The following FBXO11 variants were observed in gnomAD, a reference collection of about 807,000 sequenced individuals.
The protein encoded by FBXO11 is F-box protein 11.
FBXO11 carries 13 observed loss-of-function variants against 117.0 expected under a neutral mutation model. The observed-to-expected ratio is 0.11, with a 90% CI of 0.07 to 0.18. The LOEUF (loss-of-function observed/expected upper bound fraction) is 0.18. Among genes scored for constraint, FBXO11 ranks in the 10% least tolerant of loss-of-function variants. The pLI is 1.00. For missense variants in FBXO11, 767 were observed against 1,164.4 expected, an observed-to-expected ratio of 0.66 and a Z score of 4.97; for synonymous variants, 490 against 380.5, an observed-to-expected ratio of 1.29 and a Z score of -3.35.
At chr2:47,882,951 T>G (rs1374096765) in intron 1 of FBXO11, among the ~76,000 whole-genome samples, 1 of 152,068 alleles carries the variant, frequency 6.6e-6, no homozygotes, top group Non-Finnish European at 1.5e-5. Flanking sequence ...GCCCAGCCAT[T>G]TGCTTTCTTC....
At chr2:47,851,699 C>T (rs960106) in intron 1 of FBXO11, among the ~76,000 whole-genome samples, 89,786 of 151,922 alleles carry the variant, frequency 0.59, 26,892 homozygotes, top group East Asian at 0.88. Flanking sequence ...AATCGTCATA[C>T]GCACACAGTT....
Position 47,808,312 on chromosome 2 carries a change from G to GC in FBXO11, c.2654+16dup. ...GGAAAGTAATTGGGTAATATATCAA[G>GC]CAAGTGTGCTACATACCTATCATGT... On this transcript the variant is annotated intron_variant, in intron 22 of 22. Coordinates refer to ENST00000403359, the MANE Select transcript of FBXO11 (RefSeq NM_001190274.2). 1.2e-6 allele frequency: 2 copies of GC among 1,612,234 alleles called. No individual in the cohort carries two copies. The highest frequency in any genetic ancestry group is 1.7e-6 in the Non-Finnish European group (2 of 1,179,282).
intron 1 of FBXO11, among the ~76,000 whole-genome samples, chr2:47,904,046 GTGAC>G (rs1558490965): frequency 1.3e-5 from 2 of 152,198 alleles, no homozygotes; most frequent in Admixed American, 1.3e-4. Flanking sequence ...ACCTTTAACA[GTGAC>G]TGGTGAAAGC....
chr2:47,893,447 G>C (rs1363351419), intron 1 of FBXO11, among the ~76,000 whole-genome samples: 1 of 152,010 alleles, frequency 6.6e-6, no homozygotes, highest in Non-Finnish European at 1.5e-5. Context: ...TATTCAGGCA[G>C]AAAAACATGG....
At chr2:47,888,308 T>G (rs1480206429) in intron 1 of FBXO11, among the ~76,000 whole-genome samples, 1 of 152,166 alleles carries the variant, frequency 6.6e-6, no homozygotes, top group East Asian at 1.9e-4. Context: ...GGGCTCTAAA[T>G]CCAAACATCA....
chr2:47,899,555 A>T lies in FBXO11; in HGVS notation c.232+5934T>A, dbSNP rs149293910. Among the ~76,000 whole-genome samples, 29 of 152,338 alleles carry T rather than the reference A, an allele frequency of 1.9e-4. 1 individual carries two copies. The highest frequency in any genetic ancestry group is 6.7e-4 in the African/African-American group (28 of 41,576). On this transcript the variant is annotated intron_variant, in intron 1 of 22. Transcript: ENST00000403359. ...GCTCAGAGAGGTAACATTGCTCACCAAATGTTAAATAACTAATCAGATGTG... is the reference window on the plus strand; with the variant it reads ...GCTCAGAGAGGTAACATTGCTCACCTAATGTTAAATAACTAATCAGATGTG...
At chr2:47,834,170 C>G (rs10175684) in intron 7 of FBXO11, among the ~76,000 whole-genome samples, 1 of 151,908 alleles carries the variant, frequency 6.6e-6, no homozygotes, top group Admixed American at 6.6e-5. Flanking sequence ...GCCAACATGG[C>G]GAAACCCTAT....
intron 7 of FBXO11, 86 bp from the exon 8 acceptor site, chr2:47,833,156 A>G: frequency 1.2e-6 from 1 of 813,468 alleles, no homozygotes. Context: ...TACTAAAAAC[A>G]TTAGTACTGA....
intron 1 of FBXO11, among the ~76,000 whole-genome samples, chr2:47,861,138 C>G (rs1200431970): frequency 1.3e-5 from 2 of 152,130 alleles, no homozygotes; most frequent in Non-Finnish European, 2.9e-5. Context: ...GCATGAACCA[C>G]CACGCCTGGC....
At chr2:47,842,342 C>CA (rs1243820068) in intron 1 of FBXO11, among the ~76,000 whole-genome samples, 1 of 152,144 alleles carries the variant, frequency 6.6e-6, no homozygotes, top group African/African-American at 2.4e-5. Context: ...GAATGGGAAA[C>CA]ATAAAAGGCT....
At chr2:47,847,708 G>A (rs899023843) in intron 1 of FBXO11, among the ~76,000 whole-genome samples, 28 of 148,602 alleles carry the variant, frequency 1.9e-4, no homozygotes, top group Non-Finnish European at 3.3e-4. Context: ...TGTCTCAAAC[G>A]AACAAATAAA....
intron 4 of FBXO11, 57 bp from the exon 5 acceptor site, chr2:47,836,058 G>A (rs957710577): frequency 4.0e-5 from 51 of 1,290,858 alleles, no homozygotes; most frequent in Admixed American, 2.0e-4. Flanking sequence ...GATTAATACA[G>A]TTTTGAACAA....
At chr2:47,867,952 C>T (rs1275732530) in intron 1 of FBXO11, among the ~76,000 whole-genome samples, 1 of 151,800 alleles carries the variant, frequency 6.6e-6, no homozygotes, top group East Asian at 1.9e-4. Flanking sequence ...GAATATGGGC[C>T]AAACAGTTAG....
At chr2:47,867,655 T>C (rs1033642902) in intron 1 of FBXO11, among the ~76,000 whole-genome samples, 2 of 152,238 alleles carry the variant, frequency 1.3e-5, no homozygotes, top group Non-Finnish European at 2.9e-5. Context: ...ATCAGGACCT[T>C]AAGCTTCACT....
chr2:47,881,208 C>T (rs1280437314), intron 1 of FBXO11, among the ~76,000 whole-genome samples: 6 of 152,142 alleles, frequency 3.9e-5, no homozygotes, highest in South Asian at 2.1e-4. Context: ...GCCAAGATTG[C>T]GCCACTGTCC....
chr2:47,827,988 G>T (rs935542101), intron 11 of FBXO11, among the ~76,000 whole-genome samples: 1 of 151,884 alleles, frequency 6.6e-6, no homozygotes, highest in African/African-American at 2.4e-5. Flanking sequence ...TACCAAGCCC[G>T]GCTGAAAAAA....
At chr2:47,879,193 CT>C (rs1572894161) in intron 1 of FBXO11, among the ~76,000 whole-genome samples, 1 of 152,174 alleles carries the variant, frequency 6.6e-6, no homozygotes, top group East Asian at 1.9e-4. Flanking sequence ...GACTAATCCC[CT>C]ACTGATGGAC....
At chr2:47,822,413 A>G in intron 12 of FBXO11, 110 bp from the exon 13 acceptor site, 1 of 638,234 alleles carries the variant, frequency 1.6e-6, no homozygotes, top group Non-Finnish European at 2.7e-6. Context: ...ATAAACTTCT[A>G]AGGCCTCAAT....
intron 13 of FBXO11, 150 bp downstream of exon 13, chr2:47,822,068 A>C: frequency 1.6e-6 from 1 of 611,696 alleles, no homozygotes. Context: ...TCTGCACAAG[A>C]GAGTAAGACC....
Sources: allele counts gnomAD v4.1 joint callset (sites outside exome capture counted in the v4.1 genomes callset), GRCh38; gene constraint gnomAD v4.1.1; transcripts MANE v1.5; gene names NCBI Gene and HGNC (gene_info 2026-07-23, HGNC 2026-07-21).